The following CFAP44 variants were observed in gnomAD, a reference collection of about 807,000 sequenced individuals.
CFAP44 encodes the protein cilia and flagella associated protein 44.
Under a neutral mutation model 216.2 loss-of-function variants are expected in CFAP44, and 134 were observed. That is an observed-to-expected ratio of 0.62 (90% CI 0.54 to 0.72). The LOEUF (loss-of-function observed/expected upper bound fraction) is 0.72, where lower values mean the gene tolerates loss of function less well. CFAP44 is among the 30% of genes least tolerant of loss of function. The probability of loss-of-function intolerance (pLI) is 0.00; values close to 1 mark genes in which losing one functional copy is unlikely to be tolerated. For synonymous variants in CFAP44, 700 were observed against 727.6 expected, an observed-to-expected ratio of 0.96 and a Z score of 0.61; for missense variants, 2,035 against 2,182.1, an observed-to-expected ratio of 0.93 and a Z score of 1.34.
At chr3:113,412,655 A>G (rs1934519413) in intron 6 of CFAP44, among the ~76,000 whole-genome samples, 1 of 152,174 alleles carries the variant, frequency 6.6e-6, no homozygotes, top group Admixed American at 6.5e-5. Flanking sequence ...TAGTTTGCTG[A>G]GGATGATGGC....
rs369907197 is a variant in CFAP44 at position 113,396,655 on chromosome 3, G to T, written c.1642C>A (p.Pro548Thr). 104 of 1,614,008 alleles carry T rather than the reference G, an allele frequency of 6.4e-5. No homozygotes were observed. The Middle Eastern group carries it at 8.3e-4, about 13-fold the overall frequency. ...GVVRILELYD[P>T]KGLTIFAGRK... is the part of the protein sequence containing the mutation. ...CCCGCAAAAATCGTGAGCCCTTTTG[G>T]ATCATAAAGTTCAAGAATTCGAACA... Residue 548 changes from proline (P) to threonine (T), a missense_variant, in exon 14 of 35, where the codon CCA (proline) becomes ACA (threonine). By Grantham distance (38) the Pro-to-Thr change is conservative. Transcript: ENST00000393845.
chr3:113,437,460 C>T (rs75606634), intron 1 of CFAP44, among the ~76,000 whole-genome samples: 5,858 of 152,220 alleles, frequency 0.038, 166 homozygotes, highest in African/African-American at 0.07. Flanking sequence ...GGTCTCAAGA[C>T]GAAAGCACCA....
chr3:113,411,725 C>A (rs911922397), intron 6 of CFAP44, among the ~76,000 whole-genome samples: 4 of 152,130 alleles, frequency 2.6e-5, no homozygotes, highest in African/African-American at 9.7e-5. Context: ...CTATAAATTA[C>A]CTTGGGCAGT....
At chr3:113,371,069 T>G (rs1047796657) in intron 18 of CFAP44, among the ~76,000 whole-genome samples, 7 of 152,086 alleles carry the variant, frequency 4.6e-5, no homozygotes, top group East Asian at 1.9e-4. Context: ...CACTGCTCAA[T>G]GAAATAAAAG....
intron 22 of CFAP44, among the ~76,000 whole-genome samples, chr3:113,353,006 G>C (rs1409318507): frequency 6.6e-6 from 1 of 152,188 alleles, no homozygotes; most frequent in Non-Finnish European, 1.5e-5. Context: ...ATCAGGGACG[G>C]AAAGCAGGAG....
Position 113,289,971 on chromosome 3 carries a change from A to G in CFAP44, c.*1586T>C, listed in dbSNP as rs1276390598. The G allele has an allele frequency of 6.6e-6, 1 of 152,220 alleles. No homozygotes were observed. Among genetic ancestry groups the G allele is most frequent in the Non-Finnish European group, 1.5e-5 (1 of 68,090 alleles). 9.4% of individuals were successfully genotyped at this position (152,220 alleles called of 1,614,324 possible). A position where few individuals can be genotyped will look rare whatever the true frequency, so the allele number is the denominator to read the frequency against. On this transcript the variant is annotated 3_prime_UTR_variant, in exon 35 of 35. Coordinates refer to ENST00000393845, the MANE Select transcript of CFAP44 (RefSeq NM_001164496.2). ...TCCTAGTGTGACTGCAACTCCACGA[A>G]AGACCCTGAGCCAGAACACCCGGCC...
In CFAP44 at chr3:113,362,789, C is replaced by T. The variant is rs183533385; in HGVS notation, c.2934+356G>A. 3.6e-5 allele frequency: 26 copies of T among 727,466 alleles called. No individual in the cohort carries two copies. In the East Asian group the frequency reaches 1.5e-3, roughly 42 times the overall value. The allele number at this position is 727,466 out of a possible 1,614,324, so 45.1% of individuals were successfully genotyped here. A position where few individuals can be genotyped will look rare whatever the true frequency, so the allele number is the denominator to read the frequency against. On this transcript the variant is annotated intron_variant, in intron 21 of 34. Coordinates refer to ENST00000393845, the MANE Select transcript of CFAP44 (RefSeq NM_001164496.2). Reference sequence around the variant, plus strand: ...GTTCCCAACGAAGCCAGCCACCGGACGCTTCAGGCCAATTTTTGTTTATAC... The same window carrying T: ...GTTCCCAACGAAGCCAGCCACCGGATGCTTCAGGCCAATTTTTGTTTATAC...
chr3:113,422,248 T>C (rs1022912177), intron 4 of CFAP44, among the ~76,000 whole-genome samples: 1 of 152,186 alleles, frequency 6.6e-6, no homozygotes, highest in South Asian at 2.1e-4. Flanking sequence ...GAGGAATTTG[T>C]ATTTCTTGAG....
In CFAP44 at chr3:113,378,440, T is replaced by A. The variant is rs144128052; in HGVS notation, c.2298+866A>T. 1.8e-3 allele frequency among the ~76,000 whole-genome samples: 268 copies of A among 152,244 alleles called. 1 individual carries two copies. Among genetic ancestry groups the A allele is most frequent in the African/African-American group, 6.1e-3 (255 of 41,552 alleles). On this transcript the variant is annotated intron_variant, in intron 17 of 34. Coordinates refer to ENST00000393845, the MANE Select transcript of CFAP44 (RefSeq NM_001164496.2). ...GCTTGCCTCCTTAGTAATACAAAAG[T>A]TACATTTCTAGGAAAAGTTGAGGAG...
At chr3:113,408,958 C>T (rs1215538823) in intron 7 of CFAP44, 148 bp downstream of exon 7, 5 of 519,578 alleles carry the variant, frequency 9.6e-6, no homozygotes, top group African/African-American at 6.4e-5. Context: ...TACTAGTTAG[C>T]TTTTAAAATA....
chr3:113,348,457 G>T (rs996646761), intron 22 of CFAP44, among the ~76,000 whole-genome samples: 23 of 152,284 alleles, frequency 1.5e-4, no homozygotes, highest in African/African-American at 4.8e-4. Context: ...TTCTGTAAGA[G>T]GGAAGGCAAA....
intron 1 of CFAP44, among the ~76,000 whole-genome samples, chr3:113,437,956 G>C (rs1935275320): frequency 6.6e-6 from 1 of 152,138 alleles, no homozygotes; most frequent in Non-Finnish European, 1.5e-5. Context: ...GAGGGTGATA[G>C]GGTTATTTGG....
At chr3:113,426,396 G>A (rs1934961050) in intron 3 of CFAP44, 119 bp from the exon 4 acceptor site, 3 of 1,088,800 alleles carry the variant, frequency 2.8e-6, no homozygotes, top group Non-Finnish European at 3.9e-6. Flanking sequence ...CTGGTAGGAG[G>A]TAATTGAATC....
intron 4 of CFAP44, among the ~76,000 whole-genome samples, chr3:113,421,750 T>C (rs574137134): frequency 1.2e-3 from 185 of 151,984 alleles, no homozygotes; most frequent in African/African-American, 4.0e-3. Context: ...AAACCAAATA[T>C]TGCATGTTCT....
intron 15 of CFAP44, among the ~76,000 whole-genome samples, chr3:113,384,245 G>A (rs1332556429): frequency 1.3e-5 from 2 of 151,960 alleles, no homozygotes; most frequent in Admixed American, 1.3e-4. Flanking sequence ...ATTTTTAGTA[G>A]AGACAGAGTT....
intron 26 of CFAP44, among the ~76,000 whole-genome samples, chr3:113,328,689 G>A: frequency 1.9e-5 from 1 of 52,476 alleles, no homozygotes; most frequent in African/African-American, 7.3e-5. Context: ...GAGAAATTTA[G>A]AGAGCTTAAA....
chr3:113,350,726 G>T (rs552726709), intron 22 of CFAP44, among the ~76,000 whole-genome samples: 2 of 152,348 alleles, frequency 1.3e-5, no homozygotes, highest in East Asian at 3.9e-4. Flanking sequence ...GCTAGCAGAA[G>T]AAAGTGGGAA....
chr3:113,380,200 C>G (rs1396877776), intron 16 of CFAP44, among the ~76,000 whole-genome samples: 1 of 152,134 alleles, frequency 6.6e-6, no homozygotes, highest in African/African-American at 2.4e-5. Context: ...CATCAATCCC[C>G]TCCTCACAAA....
At chr3:113,301,611 TA>T (rs1949936443) in intron 32 of CFAP44, among the ~76,000 whole-genome samples, 2 of 152,198 alleles carry the variant, frequency 1.3e-5, no homozygotes, top group South Asian at 4.1e-4. Flanking sequence ...AGGGCACAAC[TA>T]ATTAGGAAAC....
Sources: allele counts gnomAD v4.1 joint callset (sites outside exome capture counted in the v4.1 genomes callset), GRCh38; gene constraint gnomAD v4.1.1; transcripts MANE v1.5; gene names NCBI Gene and HGNC (gene_info 2026-07-23, HGNC 2026-07-21).